The following GPC5 variants were observed in gnomAD, a reference collection of about 807,000 sequenced individuals.
GPC5 encodes glypican-5.
A neutral mutation model predicts 53.9 loss-of-function variants in GPC5; 47 were observed. That is an observed-to-expected ratio of 0.87 (90% CI 0.69 to 1.11). The LOEUF (loss-of-function observed/expected upper bound fraction) is 1.11. Ranked by LOEUF, GPC5 falls within the 50% of genes most tolerant of loss-of-function variation. The pLI is 0.00. For synonymous variants in GPC5, 286 were observed against 263.3 expected, an observed-to-expected ratio of 1.09 and a Z score of -0.84; for missense variants, 748 against 713.1, an observed-to-expected ratio of 1.05 and a Z score of -0.56.
intron 6 of GPC5, among the ~76,000 whole-genome samples, chr13:92,056,877 TATCAA>T (rs2041078824): frequency 6.6e-6 from 1 of 152,176 alleles, no homozygotes; most frequent in African/African-American, 2.4e-5. Flanking sequence ...AGGAGGAAAA[TATCAA>T]TTCAAATATC....
intron 7 of GPC5, among the ~76,000 whole-genome samples, chr13:92,787,781 G>A (rs564120271): frequency 6.6e-6 from 1 of 151,440 alleles, no homozygotes; most frequent in South Asian, 2.1e-4. Flanking sequence ...GGAGGCTGAG[G>A]AGGGAGGATT....
chr13:92,752,577 C>T (rs1189602557), intron 7 of GPC5, among the ~76,000 whole-genome samples: 1 of 152,104 alleles, frequency 6.6e-6, no homozygotes, highest in African/African-American at 2.4e-5. Flanking sequence ...ATCTGAGGTA[C>T]CGGGTTCATC....
intron 5 of GPC5, among the ~76,000 whole-genome samples, chr13:91,870,967 G>A (rs2039137607): frequency 6.6e-6 from 1 of 152,124 alleles, no homozygotes; most frequent in African/African-American, 2.4e-5. Context: ...AGATATGTTG[G>A]GGATGGGACC....
In GPC5 at chr13:92,754,556, C is replaced by T. The variant is rs1176298685; in HGVS notation, c.1562-111726C>T. On this transcript the variant is annotated intron_variant, in intron 7 of 7. Coordinates refer to ENST00000377067, the MANE Select transcript of GPC5 (RefSeq NM_004466.6). Reference sequence around the variant, plus strand: ...TGGCAAATTGGATAAAGAGTCAAGACCCAACAGTGTGCTGTATTCAGGAAA... The same window carrying T: ...TGGCAAATTGGATAAAGAGTCAAGATCCAACAGTGTGCTGTATTCAGGAAA... Among the ~76,000 whole-genome samples the T allele has an allele frequency of 8.5e-4, 129 of 151,504 alleles. 3 individuals are homozygous for T. Among genetic ancestry groups the T allele is most frequent in the Admixed American group, 8.1e-3 (123 of 15,132 alleles).
rs138438643 is a variant in GPC5 at position 92,619,398 on chromosome 13, A to G, written c.1562-246884A>G. ...CAAATTTTAAAGTAACATTTGTTGTATAAGCAATTTTATGAAGTAACTCGC... is the reference window on the plus strand; with the variant it reads ...CAAATTTTAAAGTAACATTTGTTGTGTAAGCAATTTTATGAAGTAACTCGC... On this transcript the variant is annotated intron_variant, in intron 7 of 7. Coordinates refer to ENST00000377067, the MANE Select transcript of GPC5 (RefSeq NM_004466.6). Among the ~76,000 whole-genome samples, 7 of 152,096 alleles carry G rather than the reference A, an allele frequency of 4.6e-5. No individual in the cohort carries two copies. In the East Asian group the frequency reaches 1.4e-3, roughly 29 times the overall value.
intron 7 of GPC5, among the ~76,000 whole-genome samples, chr13:92,665,937 G>A: frequency 6.6e-6 from 1 of 152,096 alleles, no homozygotes; most frequent in Non-Finnish European, 1.5e-5. Flanking sequence ...CAACTGATTA[G>A]TTTGTTGTTA....
At chr13:91,642,619 A>C (rs1437912691) in intron 2 of GPC5, among the ~76,000 whole-genome samples, 2 of 152,178 alleles carry the variant, frequency 1.3e-5, no homozygotes, top group African/African-American at 4.8e-5. Flanking sequence ...TTGATACCAG[A>C]AAGAAGAATA....
intron 6 of GPC5, among the ~76,000 whole-genome samples, chr13:91,927,719 A>G (rs1232532286): frequency 2.0e-5 from 3 of 152,182 alleles, no homozygotes; most frequent in Non-Finnish European, 2.9e-5. Flanking sequence ...TTCTTTTACC[A>G]CATACTTAGA....
rs148833125 is a variant in GPC5 at position 91,655,803 on chromosome 13, G to A, written c.326-37384G>A. Among the ~76,000 whole-genome samples, 628 of 152,174 alleles carry A rather than the reference G, an allele frequency of 4.1e-3. 5 individuals carry two copies. Among genetic ancestry groups the A allele is most frequent in the African/African-American group, 0.014 (593 of 41,534 alleles). ...AGATACATTTTTTAAAAATTATGGA[G>A]TCAATTGCCAAATGTAGATACCTGC... On this transcript the variant is annotated intron_variant, in intron 2 of 7. Transcript: ENST00000377067.
intron 7 of GPC5, among the ~76,000 whole-genome samples, chr13:92,800,352 A>C (rs762727501): frequency 1.1e-4 from 16 of 151,836 alleles, no homozygotes; most frequent in South Asian, 4.1e-4. Context: ...AGAACCAAAC[A>C]CAAACCCTTC....
intron 7 of GPC5, among the ~76,000 whole-genome samples, chr13:92,681,192 GATAAA>G (rs1887100180): frequency 6.6e-6 from 1 of 151,624 alleles, no homozygotes; most frequent in Non-Finnish European, 1.5e-5. Context: ...AATATCAATT[GATAAA>G]ATAAAAAAAA....
At position 92,240,522 on chromosome 13, in the gene GPC5, G is replaced by C. The variant is rs187024130; in HGVS notation, c.1561+95533G>C. On this transcript the variant is annotated intron_variant, in intron 7 of 7. Transcript: ENST00000377067. ...TTTTTGTTTTGTTGTGTTTTGTTTT[G>C]AGATGGAATCTTGCTCTGTTGCCCA... 6.6e-5 allele frequency: 10 copies of C among 152,168 alleles called. No individual in the cohort carries two copies. The East Asian group carries it at 1.9e-3, about 29-fold the overall frequency. The allele number at this position is 152,168 out of a possible 1,614,324, so 9.4% of individuals were successfully genotyped here.
At chr13:92,688,080 A>T (rs887044641) in intron 7 of GPC5, among the ~76,000 whole-genome samples, 2 of 88,100 alleles carry the variant, frequency 2.3e-5, no homozygotes, top group Non-Finnish European at 3.9e-5. Context: ...CTGGGCTCAT[A>T]AAATGAGTTA....
intron 7 of GPC5, among the ~76,000 whole-genome samples, chr13:92,380,237 C>G (rs998274905): frequency 2.6e-5 from 4 of 152,126 alleles, no homozygotes; most frequent in Admixed American, 6.5e-5. Context: ...GTAAATGATG[C>G]TCTTGGTGTG....
At chr13:91,695,110 G>A (rs1411301424) in intron 3 of GPC5, among the ~76,000 whole-genome samples, 1 of 152,094 alleles carries the variant, frequency 6.6e-6, no homozygotes, top group African/African-American at 2.4e-5. Flanking sequence ...AGCAGCATAG[G>A]GTAATGTGTG....
chr13:92,737,082 T>C (rs969583649), intron 7 of GPC5, among the ~76,000 whole-genome samples: 2 of 151,996 alleles, frequency 1.3e-5, no homozygotes, highest in Admixed American at 1.3e-4. Context: ...TAGTATGTCT[T>C]TCCTCATGTT....
At chr13:92,030,489 A>C (rs2040832406) in intron 6 of GPC5, among the ~76,000 whole-genome samples, 1 of 152,212 alleles carries the variant, frequency 6.6e-6, no homozygotes, top group African/African-American at 2.4e-5. Context: ...ATGCAGGTTC[A>C]ATAACAGTCA....
intron 2 of GPC5, among the ~76,000 whole-genome samples, chr13:91,586,674 T>G (rs1218133105): frequency 6.9e-6 from 1 of 145,740 alleles, no homozygotes; most frequent in Non-Finnish European, 1.5e-5. Flanking sequence ...ACTGCCCCCA[T>G]GATCCAATCA....
At chr13:91,816,475 C>T (rs141611131) in intron 5 of GPC5, among the ~76,000 whole-genome samples, 1 of 152,052 alleles carries the variant, frequency 6.6e-6, no homozygotes, top group Non-Finnish European at 1.5e-5. Context: ...CTATTTTTAT[C>T]TAGTTTAAGA....
Sources: allele counts gnomAD v4.1 joint callset (sites outside exome capture counted in the v4.1 genomes callset), GRCh38; gene constraint gnomAD v4.1.1; transcripts MANE v1.5; gene names NCBI Gene and HGNC (gene_info 2026-07-23, HGNC 2026-07-21).